The following KLF17 variants were observed in gnomAD, a reference collection of about 807,000 sequenced individuals.
KLF17 encodes KLF transcription factor 17.
Under a neutral mutation model 34.2 loss-of-function variants are expected in KLF17, and 31 were observed. That is an observed-to-expected ratio of 0.91 (90% confidence interval 0.68 to 1.22). The LOEUF is 1.22. Ranked by LOEUF, KLF17 falls within the 50% of genes most tolerant of loss-of-function variation. KLF17 has a pLI of 0.00. For synonymous variants in KLF17, 179 were observed against 186.7 expected, an observed-to-expected ratio of 0.96 and a Z score of 0.34; for missense variants, 478 against 505.2, an observed-to-expected ratio of 0.95 and a Z score of 0.52.
the KLF17 span, among the ~76,000 whole-genome samples, chr1:44,067,454 T>A: frequency 6.6e-6 from 1 of 152,180 alleles, no homozygotes; most frequent in South Asian, 2.1e-4. Flanking sequence ...GAGTCTGACA[T>A]GAATATTCTT....
the KLF17 span, among the ~76,000 whole-genome samples, chr1:44,061,458 C>G: frequency 2.6e-5 from 4 of 152,164 alleles, no homozygotes; most frequent in Non-Finnish European, 5.9e-5. Context: ...GAGGCAAAAT[C>G]ACCTCTCCCT....
the KLF17 span, among the ~76,000 whole-genome samples, chr1:44,081,369 C>G: frequency 6.6e-6 from 1 of 150,658 alleles, no homozygotes; most frequent in African/African-American, 2.4e-5. Flanking sequence ...AAGCTTAGCT[C>G]AAAACTCAAA....
At chr1:44,124,388 G>A (rs1466120682) in intron 1 of KLF17, among the ~76,000 whole-genome samples, 2 of 149,860 alleles carry the variant, frequency 1.3e-5, no homozygotes, top group Non-Finnish European at 3.0e-5. Flanking sequence ...GGAGTGCAGT[G>A]GCTGGATCTC....
chr1:44,113,410 G>A, the KLF17 span, among the ~76,000 whole-genome samples: 1 of 152,208 alleles, frequency 6.6e-6, no homozygotes, highest in African/African-American at 2.4e-5. Context: ...GACATCATCA[G>A]TAACTACAGT....
the KLF17 span, chr1:44,088,384 T>A: frequency 6.6e-6 from 1 of 152,488 alleles, no homozygotes; most frequent in African/African-American, 2.4e-5. Flanking sequence ...CCCAAAGTGT[T>A]GGGATTACAG....
At chr1:44,088,105 A>T in the KLF17 span, 1 of 143,906 alleles carries the variant, frequency 6.9e-6, no homozygotes, top group Non-Finnish European at 1.4e-5. Context: ...AAGCACTCTT[A>T]TTTTTATTTA....
intron 1 of KLF17, among the ~76,000 whole-genome samples, chr1:44,124,495 AT>A (rs35952182): frequency 7.9e-4 from 89 of 112,368 alleles, no homozygotes; most frequent in South Asian, 1.2e-3. Flanking sequence ...CACTTGGCTA[AT>A]TTTTTTTTTT....
chr1:44,104,031 A>G, the KLF17 span: 1 of 867,398 alleles, frequency 1.2e-6, no homozygotes, highest in East Asian at 2.4e-5. Flanking sequence ...GCTGTTGTCC[A>G]TGGACAGCAC....
chr1:44,084,746 A>C, the KLF17 span, among the ~76,000 whole-genome samples: 1 of 150,780 alleles, frequency 6.6e-6, no homozygotes, highest in Non-Finnish European at 1.5e-5. Context: ...CTGAGCAATG[A>C]GCACATTTAG....
At chr1:44,063,233 G>C in the KLF17 span, among the ~76,000 whole-genome samples, 1 of 152,204 alleles carries the variant, frequency 6.6e-6, no homozygotes, top group East Asian at 1.9e-4. Context: ...TTAACCAAGG[G>C]AGTGGTATTA....
At chr1:44,080,091 G>C in the KLF17 span, among the ~76,000 whole-genome samples, 1 of 151,864 alleles carries the variant, frequency 6.6e-6, no homozygotes, top group East Asian at 1.9e-4. Context: ...ACCATGCGTG[G>C]CTAATTTTTG....
At chr1:44,047,762 A>T in the KLF17 span, among the ~76,000 whole-genome samples, 1 of 152,110 alleles carries the variant, frequency 6.6e-6, no homozygotes, top group Non-Finnish European at 1.5e-5. Context: ...GAATAATTAG[A>T]TAGAAACACA....
the KLF17 span, among the ~76,000 whole-genome samples, chr1:44,072,052 G>T: frequency 6.6e-6 from 1 of 152,056 alleles, no homozygotes; most frequent in Non-Finnish European, 1.5e-5. Flanking sequence ...GGACTTGGGT[G>T]GTAATGATGG....
chr1:44,051,303 G>A, the KLF17 span: 1 of 152,278 alleles, frequency 6.6e-6, no homozygotes. Flanking sequence ...GTACAGCCAA[G>A]CAGACAGGCA....
chr1:44,104,504 C>T, the KLF17 span: 7 of 753,678 alleles, frequency 9.3e-6, no homozygotes, highest in Admixed American at 5.2e-5. Context: ...GCTCCTTCTC[C>T]TGGGTGCGCA....
chr1:44,107,635 C>T, the KLF17 span, among the ~76,000 whole-genome samples: 4 of 152,192 alleles, frequency 2.6e-5, no homozygotes, highest in Non-Finnish European at 5.9e-5. Flanking sequence ...AGCATTTCCA[C>T]TCTGTCTATG....
the KLF17 span, chr1:44,104,595 C>T: frequency 1.0e-5 from 6 of 598,616 alleles, no homozygotes; most frequent in Middle Eastern, 5.0e-4. Context: ...CCTCCCATGC[C>T]GCTGGTCCCA....
At chr1:44,104,028 T>C in the KLF17 span, 1 of 865,336 alleles carries the variant, frequency 1.2e-6, no homozygotes, top group Admixed American at 1.7e-5. Context: ...GCGGCTGTTG[T>C]CCATGGACAG....
At chr1:44,073,507 A>G in the KLF17 span, among the ~76,000 whole-genome samples, 8 of 152,042 alleles carry the variant, frequency 5.3e-5, no homozygotes, top group Non-Finnish European at 1.0e-4. Flanking sequence ...TGCCTGGCCC[A>G]TGACAGTATT....
Sources: allele counts gnomAD v4.1 joint callset (sites outside exome capture counted in the v4.1 genomes callset), GRCh38; gene constraint gnomAD v4.1.1; transcripts MANE v1.5; gene names NCBI Gene and HGNC (gene_info 2026-07-23, HGNC 2026-07-21).